The following DOCK3 variants were observed in gnomAD, a reference collection of about 807,000 sequenced individuals.
The protein encoded by DOCK3 is dedicator of cytokinesis 3.
DOCK3 carries 60 observed loss-of-function variants against 265.6 expected under a neutral mutation model. The observed-to-expected ratio is 0.23, with a 90% CI of 0.18 to 0.28. The LOEUF is 0.28. DOCK3 is among the 10% of genes least tolerant of loss of function. DOCK3 has a pLI of 1.00. For missense variants in DOCK3, 1,981 were observed against 2,594.3 expected (o/e 0.76, Z 5.14); for synonymous variants, 881 against 938.0 (o/e 0.94, Z 1.11).
At chr3:51,090,093 A>G in intron 8 of DOCK3, 137 bp from the exon 9 acceptor site, 2 of 1,019,496 alleles carry the variant, frequency 2.0e-6, no homozygotes, top group Non-Finnish European at 2.8e-6. Flanking sequence ...CCCTACAAGC[A>G]GAGAAAACAT....
At chr3:50,970,944 TATA>T (rs1559878832) in intron 5 of DOCK3, among the ~76,000 whole-genome samples, 68 of 73,662 alleles carry the variant, frequency 9.2e-4, no homozygotes, top group African/African-American at 2.4e-3. Context: ...TATATATATA[TATA>T]ATGTGTGTGT....
At chr3:50,715,516 A>T (rs2037051074) in intron 1 of DOCK3, among the ~76,000 whole-genome samples, 1 of 152,174 alleles carries the variant, frequency 6.6e-6, no homozygotes, top group Non-Finnish European at 1.5e-5. Context: ...ATGCCACTGC[A>T]CTGCAGCCTG....
chr3:51,087,948 C>T (rs1439524820), intron 7 of DOCK3, among the ~76,000 whole-genome samples: 1 of 152,078 alleles, frequency 6.6e-6, no homozygotes, highest in African/African-American at 2.4e-5. Flanking sequence ...CACCAGCACC[C>T]TTGTGTTTAT....
intron 2 of DOCK3, among the ~76,000 whole-genome samples, chr3:50,820,750 C>G (rs892825188): frequency 2.0e-5 from 3 of 151,380 alleles, no homozygotes; most frequent in Non-Finnish European, 4.4e-5. Flanking sequence ...CTGCTTCCCA[C>G]AGGGGCAGAA....
intron 1 of DOCK3, among the ~76,000 whole-genome samples, chr3:50,771,492 T>C (rs1466177968): frequency 6.6e-6 from 1 of 152,148 alleles, no homozygotes; most frequent in Non-Finnish European, 1.5e-5. Context: ...TTGTATGCTG[T>C]TGGTGAGAAT....
At chr3:51,009,153 C>T (rs1262732981) in intron 5 of DOCK3, among the ~76,000 whole-genome samples, 1 of 152,078 alleles carries the variant, frequency 6.6e-6, no homozygotes, top group South Asian at 2.1e-4. Context: ...GGGATGATTC[C>T]CTCTTTTTCT....
intron 49 of DOCK3, among the ~76,000 whole-genome samples, chr3:51,363,399 G>C (rs2086880062): frequency 6.6e-6 from 1 of 152,208 alleles, no homozygotes; most frequent in South Asian, 2.1e-4. Flanking sequence ...TTGCCAGCCA[G>C]TCACTTGCTC....
intron 23 of DOCK3, among the ~76,000 whole-genome samples, chr3:51,261,601 G>A (rs113534684): frequency 0.026 from 3,911 of 152,272 alleles, 76 homozygotes; most frequent in Non-Finnish European, 0.033. Flanking sequence ...AAGCCAGGGA[G>A]ACAAGCGGTC....
chr3:50,708,565 C>T (rs550354213), intron 1 of DOCK3, among the ~76,000 whole-genome samples: 32 of 152,294 alleles, frequency 2.1e-4, no homozygotes, highest in African/African-American at 6.7e-4. Flanking sequence ...GCTGCTTGTG[C>T]CTCCAGTGGG....
intron 1 of DOCK3, among the ~76,000 whole-genome samples, chr3:50,721,545 C>A (rs981259614): frequency 6.6e-6 from 1 of 150,966 alleles, no homozygotes; most frequent in Non-Finnish European, 1.5e-5. Context: ...TCAATTTGCC[C>A]ATGTGTTTGT....
intron 23 of DOCK3, among the ~76,000 whole-genome samples, chr3:51,270,168 C>T (rs1246750460): frequency 4.6e-5 from 7 of 152,328 alleles, no homozygotes; most frequent in Admixed American, 2.0e-4. Context: ...TCTAAGCCCA[C>T]GTCAACAGTC....
At chr3:50,716,111 C>G (rs931024536) in intron 1 of DOCK3, among the ~76,000 whole-genome samples, 2 of 151,880 alleles carry the variant, frequency 1.3e-5, no homozygotes, top group Non-Finnish European at 2.9e-5. Flanking sequence ...TTGATATACT[C>G]TTATCAATGC....
intron 13 of DOCK3, among the ~76,000 whole-genome samples, chr3:51,213,618 A>T (rs563483831): frequency 6.6e-6 from 1 of 152,342 alleles, no homozygotes; most frequent in Admixed American, 6.5e-5. Context: ...GTTGCAAGCC[A>T]GTGCAAGATT....
In DOCK3 at chr3:50,897,220, C is replaced by G. The variant is rs568073103; in HGVS notation, c.218+7139C>G. ...CTTCACATCCCTTGTAAGTTGTATT[C>G]CTAGGTATTTTATTCTCTTTGTAGC... On this transcript the variant is annotated intron_variant, in intron 4 of 52. Coordinates refer to ENST00000266037, the MANE Select transcript of DOCK3 (RefSeq NM_004947.5). Among the ~76,000 whole-genome samples the G allele has an allele frequency of 5.3e-5, 8 of 152,156 alleles. No individual in the cohort carries two copies. In the East Asian group the frequency reaches 1.5e-3, roughly 29 times the overall value.
chr3:50,818,947 T>C (rs2044248347), intron 2 of DOCK3, among the ~76,000 whole-genome samples: 1 of 152,210 alleles, frequency 6.6e-6, no homozygotes, highest in Non-Finnish European at 1.5e-5. Flanking sequence ...GGATTCTTCT[T>C]AATATGCACT....
At chr3:51,164,058 CT>C (rs1388640302) in intron 12 of DOCK3, among the ~76,000 whole-genome samples, 1 of 152,152 alleles carries the variant, frequency 6.6e-6, no homozygotes, top group Non-Finnish European at 1.5e-5. Context: ...TTTCATGATG[CT>C]TTCACACTGG....
intron 12 of DOCK3, among the ~76,000 whole-genome samples, chr3:51,161,199 C>T (rs1288389744): frequency 6.6e-6 from 1 of 151,984 alleles, no homozygotes; most frequent in Admixed American, 6.6e-5. Flanking sequence ...AATCCCAGCA[C>T]TTTGGGAGGC....
chr3:51,321,350 A>T (rs2083714850), intron 32 of DOCK3, among the ~76,000 whole-genome samples: 1 of 152,230 alleles, frequency 6.6e-6, no homozygotes, highest in South Asian at 2.1e-4. Context: ...CCAACGGTAG[A>T]TAAATCCACG....
intron 4 of DOCK3, among the ~76,000 whole-genome samples, chr3:50,906,572 T>C (rs1356917379): frequency 1.3e-5 from 2 of 152,146 alleles, no homozygotes; most frequent in South Asian, 4.1e-4. Context: ...TAGTATTCTC[T>C]GATGGTAGTT....
Sources: allele counts gnomAD v4.1 joint callset (sites outside exome capture counted in the v4.1 genomes callset), GRCh38; gene constraint gnomAD v4.1.1; transcripts MANE v1.5; gene names NCBI Gene and HGNC (gene_info 2026-07-23, HGNC 2026-07-21).